The following SH3TC2 variants were observed in gnomAD, a reference collection of about 807,000 sequenced individuals.
SH3TC2 encodes SH3 domain and tetratricopeptide repeats 2, also known as SH3 domain and tetratricopeptide repeat-containing protein 2.
In SH3TC2, 87 loss-of-function variants were observed where a neutral mutation model predicts 124.5. The ratio of observed to expected loss-of-function variants is 0.70; its 90% CI spans 0.59 to 0.84. SH3TC2 has a LOEUF of 0.84. Ranked by LOEUF, SH3TC2 falls within the 40% of genes least tolerant of loss-of-function variation. The pLI is 0.00. For synonymous variants in SH3TC2, 634 were observed against 628.5 expected (o/e 1.01, Z -0.13); for missense variants, 1,536 against 1,566.4 (o/e 0.98, Z 0.33).
In SH3TC2 at chr5:148,996,834, T is replaced by C. The variant is rs374095669; in HGVS notation, c.*7877A>G. Among the ~76,000 whole-genome samples, 8 of 152,342 alleles carry C rather than the reference T, an allele frequency of 5.3e-5. No individual in the cohort carries two copies. The East Asian group carries it at 7.7e-4, about 15-fold the overall frequency. ...CAGATCATGTTTAACTATGGTCCGC[T>C]AGATTTGGAAGGTTAAAATAAAAGA... On this transcript the variant is annotated 3_prime_UTR_variant, in exon 17 of 17. Transcript: ENST00000515425.
At position 148,984,721 on chromosome 5, in the gene SH3TC2, C is replaced by G. The variant is rs1433920289; in HGVS notation, c.*19990G>C. 1.3e-5 allele frequency among the ~76,000 whole-genome samples: 2 copies of G among 152,146 alleles called. No homozygotes were observed. The highest frequency in any genetic ancestry group is 4.8e-5 in the African/African-American group (2 of 41,442). ...CTTAGATGTTTAGTGGGTATTCCAACCCTCAAAGAGCTGTGCTTGGTGCTG... is the reference window on the plus strand; with the variant it reads ...CTTAGATGTTTAGTGGGTATTCCAAGCCTCAAAGAGCTGTGCTTGGTGCTG... On this transcript the variant is annotated 3_prime_UTR_variant, in exon 17 of 17. Coordinates refer to ENST00000515425, the MANE Select transcript of SH3TC2 (RefSeq NM_024577.4).
intron 15 of SH3TC2, 91 bp downstream of exon 15, chr5:149,008,760 G>A: frequency 6.4e-7 from 1 of 1,571,074 alleles, no homozygotes; most frequent in Non-Finnish European, 8.7e-7. Flanking sequence ...CACACAGTCT[G>A]ACTCCAGGGC....
At position 148,995,141 on chromosome 5, in the gene SH3TC2, G is replaced by A. The variant is rs978562352; in HGVS notation, c.*9570C>T. 1.3e-5 allele frequency among the ~76,000 whole-genome samples: 2 copies of A among 152,098 alleles called. No individual in the cohort carries two copies. Among genetic ancestry groups the A allele is most frequent in the Non-Finnish European group, 2.9e-5 (2 of 67,996 alleles). ...TATCATCCCTCCTCCTTAAGACAAA[G>A]GGAAACATTCAAATGTTCAAAAGAG... On this transcript the variant is annotated 3_prime_UTR_variant, in exon 17 of 17. Transcript: ENST00000515425.
rs1287569986 is a variant in SH3TC2 at position 148,993,328 on chromosome 5, AT to A, written c.*11382del. Reference sequence around the variant, plus strand: ...AGAAGCTAAAATTTGACCTAAATAAATTATTGTCAATAAATTATAAGCCATC... The same window carrying A: ...AGAAGCTAAAATTTGACCTAAATAAATATTGTCAATAAATTATAAGCCATC... On this transcript the variant is annotated 3_prime_UTR_variant, in exon 17 of 17. Coordinates refer to ENST00000515425, the MANE Select transcript of SH3TC2 (RefSeq NM_024577.4). 6.6e-6 allele frequency among the ~76,000 whole-genome samples: 1 copy of A among 152,204 alleles called. No homozygotes were observed. The highest frequency in any genetic ancestry group is 1.5e-5 in the Non-Finnish European group (1 of 68,024).
chr5:149,006,750 T>C (rs928314471), intron 16 of SH3TC2, 131 bp downstream of exon 16: 5 of 938,950 alleles, frequency 5.3e-6, no homozygotes, highest in Admixed American at 3.4e-5. Context: ...CCTCACCCTA[T>C]GAGACAAGAC....
chr5:149,012,309 G>T (rs564469133), intron 13 of SH3TC2, among the ~76,000 whole-genome samples: 1 of 152,186 alleles, frequency 6.6e-6, no homozygotes, highest in African/African-American at 2.4e-5. Flanking sequence ...GACAAGTGAC[G>T]TTACAGATGG....
chr5:149,026,654 C>T lies in SH3TC2; in HGVS notation c.2971G>A (p.Ala991Thr), dbSNP rs1343852103. The stretch of plus-strand genomic sequence containing the variant: ...ATCTCCCGGTCCCTGAGTTGCTGAG[C>T]CAGGGCCAGCCAGTGCTCATGGTAG... ...ITYHEHWLAL[A>T]QQLRDREMEG... The change falls in exon 12 of 17, where the codon GCT becomes ACT. Residue 991 changes from alanine to threonine, a missense_variant. Physicochemically the swap from Ala to Thr is moderately conservative, Grantham distance 58. Coordinates refer to ENST00000515425, the MANE Select transcript of SH3TC2 (RefSeq NM_024577.4). 1 of 1,614,186 alleles carries T rather than the reference C, an allele frequency of 6.2e-7. No homozygotes were observed. Among genetic ancestry groups the T allele is most frequent in the Non-Finnish European group, 8.5e-7 (1 of 1,180,030 alleles).
chr5:149,038,758 C>CA (rs1157858882), intron 7 of SH3TC2, among the ~76,000 whole-genome samples: 1 of 152,212 alleles, frequency 6.6e-6, no homozygotes, highest in Admixed American at 6.5e-5. Context: ...AAAAGATTCT[C>CA]AGATAGCGGA....
chr5:149,062,907 T>C, intron 1 of SH3TC2, 64 bp downstream of exon 1: 1 of 1,482,006 alleles, frequency 6.7e-7, no homozygotes, highest in Non-Finnish European at 9.2e-7. Flanking sequence ...AGCAGGTCCC[T>C]GAGCCTCTAC....
At position 148,991,725 on chromosome 5, in the gene SH3TC2, T is replaced by A. The variant is rs1426021157; in HGVS notation, c.*12986A>T. 6.6e-6 allele frequency among the ~76,000 whole-genome samples: 1 copy of A among 152,190 alleles called. No homozygotes were observed. Among genetic ancestry groups the A allele is most frequent in the Non-Finnish European group, 1.5e-5 (1 of 68,038 alleles). On this transcript the variant is annotated 3_prime_UTR_variant, in exon 17 of 17. Coordinates refer to ENST00000515425, the MANE Select transcript of SH3TC2 (RefSeq NM_024577.4). ...ATTTCCAGGTAGAATGAGAGGCTCT[T>A]GCAAACTGCTTTTGTAGAAATTATA...
chr5:149,055,115 A>G (rs1324352895), intron 1 of SH3TC2, among the ~76,000 whole-genome samples: 2 of 152,226 alleles, frequency 1.3e-5, no homozygotes, highest in African/African-American at 2.4e-5. Flanking sequence ...TGATGTTGAC[A>G]GTGATTTCCT....
intron 8 of SH3TC2, among the ~76,000 whole-genome samples, chr5:149,033,120 C>T (rs964324873): frequency 1.3e-5 from 2 of 152,032 alleles, no homozygotes; most frequent in Non-Finnish European, 2.9e-5. Context: ...CAGTGACATG[C>T]TAAGAATTGC....
In SH3TC2 at chr5:149,027,250, C is replaced by T. The variant is rs941211929; in HGVS notation, c.2482G>A (p.Glu828Lys). ...VLEPLLCSLK[E>K]TESLTQRGVI... ...CCCCTTTGAGTGAGACTCTCTGTCT[C>T]CTTCAGGGAGCATAGCAGTGGCTCA... The change falls in exon 11 of 17, where the codon GAG becomes AAG. Residue 828 changes from glutamate to lysine, a missense_variant. Physicochemically the swap from Glu to Lys is moderately conservative, Grantham distance 56. This residue lies in a region of SH3TC2 where 1,102 missense variants were observed against 1,098.6 expected (regional missense o/e 1.00). Transcript: ENST00000515425. 15 of 1,614,068 alleles carry T rather than the reference C, an allele frequency of 9.3e-6. No individual in the cohort carries two copies. The highest frequency in any genetic ancestry group is 1.2e-5 in the Non-Finnish European group (14 of 1,180,058).
At position 148,990,575 on chromosome 5, in the gene SH3TC2, C is replaced by T. The variant is rs1753405679; in HGVS notation, c.*14136G>A. Among the ~76,000 whole-genome samples, 1 of 152,186 alleles carries T rather than the reference C, an allele frequency of 6.6e-6. No individual in the cohort carries two copies. Among genetic ancestry groups the T allele is most frequent in the Non-Finnish European group, 1.5e-5 (1 of 68,028 alleles). On this transcript the variant is annotated 3_prime_UTR_variant, in exon 17 of 17. Transcript: ENST00000515425. The stretch of plus-strand genomic sequence containing the variant: ...AAATTCTGCCCCTGCTACTCACAAG[C>T]TATTGGACCTCAAACAAGTTACTGA...
intron 15 of SH3TC2, chr5:149,008,189 A>G (rs955435697): frequency 2.0e-4 from 31 of 157,764 alleles, no homozygotes; most frequent in Non-Finnish European, 4.4e-4. Context: ...TTACCCTTAC[A>G]TCTAATCAAG....
chr5:149,042,832 C>T lies in SH3TC2; in HGVS notation c.391G>A (p.Val131Ile), dbSNP rs764169824. 36 of 1,613,970 alleles carry T rather than the reference C, an allele frequency of 2.2e-5. No homozygotes were observed. Among genetic ancestry groups the T allele is most frequent in the South Asian group, 7.7e-5 (7 of 91,088 alleles). ...KFSTYLNLGY[V>I]SMCLEHLLFD... The stretch of plus-strand genomic sequence containing the variant: ...AGGAGATGTTCTAGACACATGGATA[C>T]GTAGCCTAAGAAGTCAAGCCAACAA... The change falls in exon 5 of 17, where the codon GTA (valine) becomes ATA (isoleucine). Residue 131 changes from valine to isoleucine, a missense_variant. Val to Ile is a conservative substitution (Grantham distance 29, BLOSUM62 3). This residue lies in a region of SH3TC2 where 1,102 missense variants were observed against 1,098.6 expected (regional missense o/e 1.00). Coordinates refer to ENST00000515425, the MANE Select transcript of SH3TC2 (RefSeq NM_024577.4).
At position 149,006,864 on chromosome 5, in the gene SH3TC2, G is replaced by A. The variant is rs1561756913; in HGVS notation, c.3675+17C>T. The A allele has an allele frequency of 1.9e-6, 3 of 1,612,100 alleles. No individual in the cohort carries two copies. The highest frequency in any genetic ancestry group is 3.3e-5 in the Admixed American group (2 of 60,014). The stretch of plus-strand genomic sequence containing the variant: ...TGGGTGGTGGCTGTCAGGAAATCTG[G>A]GAAGTCTGGCTCTTACCTTCAGCTG... On this transcript the variant is annotated intron_variant, in intron 16 of 16. Coordinates refer to ENST00000515425, the MANE Select transcript of SH3TC2 (RefSeq NM_024577.4).
intron 12 of SH3TC2, among the ~76,000 whole-genome samples, chr5:149,016,829 G>A (rs1045052123): frequency 4.0e-5 from 6 of 151,670 alleles, no homozygotes; most frequent in Non-Finnish European, 8.8e-5. Context: ...GGAGGCTGAG[G>A]CAGGAGAATG....
rs913552634 is a variant in SH3TC2 at position 148,984,241 on chromosome 5, C to T, written c.*20470G>A. On this transcript the variant is annotated 3_prime_UTR_variant, in exon 17 of 17. Coordinates refer to ENST00000515425, the MANE Select transcript of SH3TC2 (RefSeq NM_024577.4). ...TTATTCTTTTTTCTTTTTGTTCCTT[C>T]GACTGGATAATTTCAAGTGTCCTGT... Among the ~76,000 whole-genome samples, 4 of 151,856 alleles carry T rather than the reference C, an allele frequency of 2.6e-5. No individual in the cohort carries two copies. The highest frequency in any genetic ancestry group is 4.4e-5 in the Non-Finnish European group (3 of 67,944).
Sources: allele counts gnomAD v4.1 joint callset (sites outside exome capture counted in the v4.1 genomes callset), GRCh38; gene constraint gnomAD v4.1.1; regional missense constraint gnomAD v4.1.1; transcripts MANE v1.5; gene names NCBI Gene and HGNC (gene_info 2026-07-23, HGNC 2026-07-21).